IL17B: variants seen among roughly 807,000 people sequenced by gnomAD.
IL17B encodes interleukin 17B, also known as interleukin-17B.
A neutral mutation model predicts 14.7 loss-of-function variants in IL17B; 14 were observed. That is an observed-to-expected ratio of 0.95 (90% CI 0.63 to 1.49). The LOEUF is 1.49. Ranked by LOEUF, IL17B falls within the 40% of genes most tolerant of loss-of-function variation. The probability of loss-of-function intolerance (pLI) is 0.00; values close to 1 mark genes in which losing one functional copy is unlikely to be tolerated. For missense variants in IL17B, 233 were observed against 252.8 expected, an observed-to-expected ratio of 0.92 and a Z score of 0.53; for synonymous variants, 105 against 94.8, an observed-to-expected ratio of 1.11 and a Z score of -0.62.
At chr5:149,401,334 T>G (rs1381811743) in intron 1 of IL17B, among the ~76,000 whole-genome samples, 1 of 152,188 alleles carries the variant, frequency 6.6e-6, no homozygotes, top group Non-Finnish European at 1.5e-5. Context: ...TGAATTAAAT[T>G]TTCAATTTTT....
chr5:149,385,148 G>A (rs1477666698), intron 1 of IL17B, among the ~76,000 whole-genome samples: 3 of 151,468 alleles, frequency 2.0e-5, no homozygotes, highest in Admixed American at 1.3e-4. Flanking sequence ...TCCTGACCTA[G>A]AGTTCGACAC....
chr5:149,374,572 C>T lies in IL17B; in HGVS notation c.340G>A (p.Val114Met), dbSNP rs757888351. The T allele has an allele frequency of 3.0e-5, 48 of 1,612,392 alleles. No individual in the cohort carries two copies. Among genetic ancestry groups the T allele is most frequent in the Non-Finnish European group, 3.6e-5 (43 of 1,179,388 alleles). The change falls in exon 3 of 3, where the codon GTG becomes ATG. Residue 114 changes from valine (V) to methionine (M), a missense_variant. By Grantham distance (21) the Val-to-Met change is conservative (BLOSUM62 1). Transcript: ENST00000261796. This position sits in a 1 kb window ranked among gnomAD's most constrained non-coding sequence, Gnocchi z 5.0. ...AGGCACCGTGCCTCCGGCAGGTCCA[C>T]GGGGATACGGCTGGGGTCGTGGTTG... ...SINHDPSRIP[V>M]DLPEARCLCL... is the part of the protein sequence containing the mutation.
chr5:149,403,945 C>T (rs1294948695), intron 1 of IL17B, among the ~76,000 whole-genome samples: 2 of 152,206 alleles, frequency 1.3e-5, no homozygotes, highest in African/African-American at 4.8e-5. Flanking sequence ...AGAGCCGGCT[C>T]TCCCAGGGCC....
chr5:149,376,725 G>C lies in IL17B; in HGVS notation c.311+11C>G, dbSNP rs772306718. The C allele has an allele frequency of 6.3e-7, 1 of 1,592,170 alleles. No individual in the cohort carries two copies. The highest frequency in any genetic ancestry group is 1.3e-5 in the African/African-American group (1 of 74,432). On this transcript the variant is annotated intron_variant, in intron 2 of 2. Transcript: ENST00000261796. The stretch of plus-strand genomic sequence containing the variant: ...CCCCCAAAGACAGCTTGCCACCACT[G>C]CCCAGCCTACCTGTAGCCCCAGGGA...
Position 149,374,553 on chromosome 5 carries a change from C to A in IL17B, c.359G>T (p.Arg120Leu). 1 of 1,613,038 alleles carries A rather than the reference C, an allele frequency of 6.2e-7. No individual in the cohort carries two copies. Among genetic ancestry groups the A allele is most frequent in the African/African-American group, 1.3e-5 (1 of 75,060 alleles). ...SRIPVDLPEA[R>L]CLCLGCVNPF... ...GTTCACACAGCCCAGACACAGGCAC[C>A]GTGCCTCCGGCAGGTCCACGGGGAT... The change falls in exon 3 of 3, where the codon CGG becomes CTG. Residue 120 changes from arginine (R) to leucine (L), a missense_variant. Transcript: ENST00000261796. The surrounding 1 kb of genome is among the most constrained non-coding windows in gnomAD (Gnocchi z 5.0).
chr5:149,395,602 G>A (rs191038136), intron 1 of IL17B, among the ~76,000 whole-genome samples: 16 of 152,262 alleles, frequency 1.1e-4, no homozygotes, highest in Non-Finnish European at 1.5e-4. Flanking sequence ...TTCATGAAAC[G>A]CTCCTAAAAT....
Position 149,374,668 on chromosome 5 carries a change from C to T in IL17B, c.312-68G>A, listed in dbSNP as rs1212755654. 1 of 1,202,754 alleles carries T rather than the reference C, an allele frequency of 8.3e-7. No homozygotes were observed. The highest frequency in any genetic ancestry group is 1.2e-6 in the Non-Finnish European group (1 of 841,336). The allele number at this position is 1,202,754 out of a possible 1,614,324, so 74.5% of individuals were successfully genotyped here. A position where few individuals can be genotyped will look rare whatever the true frequency, so the allele number is the denominator to read the frequency against. On this transcript the variant is annotated intron_variant, in intron 2 of 2. Coordinates refer to ENST00000261796, the MANE Select transcript of IL17B (RefSeq NM_014443.3). The surrounding 1 kb of genome is among the most constrained non-coding windows in gnomAD (Gnocchi z 5.0). ...AAAGGGCCAGTCAGCACCCATACTC[C>T]ACACCCCTGCCTTTCCTAATCAGAG...
chr5:149,386,572 A>G (rs889438946), intron 1 of IL17B, among the ~76,000 whole-genome samples: 3 of 152,204 alleles, frequency 2.0e-5, no homozygotes, highest in African/African-American at 4.8e-5. Flanking sequence ...AGGATGTTCT[A>G]TAAGTTTCTA....
At chr5:149,383,779 C>T (rs1034553166), upstream of IL17B, among the ~76,000 whole-genome samples, 2 of 152,248 alleles carry the variant, frequency 1.3e-5, no homozygotes, top group African/African-American at 2.4e-5. Flanking sequence ...GCCACGTCGA[C>T]ATGACCCTCT....
chr5:149,398,411 C>G (rs975040740), intron 1 of IL17B, among the ~76,000 whole-genome samples: 1 of 152,198 alleles, frequency 6.6e-6, no homozygotes, highest in African/African-American at 2.4e-5. Context: ...CCCTTCCTAG[C>G]CACCATGGTG....
intron 1 of IL17B, among the ~76,000 whole-genome samples, chr5:149,393,302 A>G (rs1443463684): frequency 6.6e-6 from 1 of 152,010 alleles, no homozygotes; most frequent in African/African-American, 2.4e-5. Context: ...AGCTTCCCAG[A>G]TCCCTCAGTA....
At chr5:149,385,013 A>T (rs1758794224) in intron 1 of IL17B, among the ~76,000 whole-genome samples, 1 of 149,550 alleles carries the variant, frequency 6.7e-6, no homozygotes, top group Admixed American at 6.7e-5. Flanking sequence ...GGTCCCTGTT[A>T]AGCAATTCTC....
chr5:149,387,634 C>T (rs1385615864), intron 1 of IL17B, among the ~76,000 whole-genome samples: 2 of 137,054 alleles, frequency 1.5e-5, no homozygotes, highest in Non-Finnish European at 3.2e-5. Flanking sequence ...ATTAGCCAGG[C>T]GTGGTGGCAT....
At chr5:149,403,021 A>C (rs867371320) in intron 1 of IL17B, among the ~76,000 whole-genome samples, 8 of 151,660 alleles carry the variant, frequency 5.3e-5, no homozygotes, top group African/African-American at 1.9e-4. Context: ...AAAAAAAAAA[A>C]AAAACTCAAT....
chr5:149,383,740 G>T (rs1758758569), upstream of IL17B, among the ~76,000 whole-genome samples: 1 of 152,254 alleles, frequency 6.6e-6, no homozygotes, highest in Non-Finnish European at 1.5e-5. Flanking sequence ...CTGGGTGAAT[G>T]GGCGGCCTCT....
chr5:149,377,094 A>C, intron 1 of IL17B, 69 bp from the exon 2 acceptor site: 1 of 1,370,090 alleles, frequency 7.3e-7, no homozygotes, highest in East Asian at 2.4e-5. Context: ...CTTGGGGTCC[A>C]TGGTCCTTTC....
intron 1 of IL17B, among the ~76,000 whole-genome samples, chr5:149,391,392 T>TTCTCA (rs1431753751): frequency 6.6e-6 from 1 of 152,120 alleles, no homozygotes; most frequent in East Asian, 1.9e-4. Context: ...GCCACGGGGG[T>TTCTCA]GTCACCAAGT....
chr5:149,394,687 A>G (rs1324856176), intron 1 of IL17B, among the ~76,000 whole-genome samples: 4 of 152,224 alleles, frequency 2.6e-5, no homozygotes, highest in Non-Finnish European at 4.4e-5. Flanking sequence ...CAACTTTCAC[A>G]ATCATTCACT....
At chr5:149,390,852 TA>T in intron 1 of IL17B, among the ~76,000 whole-genome samples, 1 of 151,982 alleles carries the variant, frequency 6.6e-6, no homozygotes, top group East Asian at 1.9e-4. Context: ...TATTTATTTT[TA>T]AAAATAACTT....
Sources: allele counts gnomAD v4.1 joint callset (sites outside exome capture counted in the v4.1 genomes callset), GRCh38; gene constraint gnomAD v4.1.1; non-coding constraint Gnocchi (gnomAD v3.1); transcripts MANE v1.5; gene names NCBI Gene and HGNC (gene_info 2026-07-23, HGNC 2026-07-21).